The following MDM4 variants were observed in gnomAD, a reference collection of about 807,000 sequenced individuals.
The protein encoded by MDM4 is protein Mdm4.
In MDM4, 2 loss-of-function variants were observed where a neutral mutation model predicts 60.2. The observed-to-expected ratio is 0.03, with a 90% CI of 0.01 to 0.10. The LOEUF (loss-of-function observed/expected upper bound fraction) is 0.10. MDM4 is among the 10% of genes least tolerant of loss of function. The pLI, the probability that MDM4 is intolerant of heterozygous loss-of-function variation, is 1.00. For missense variants in MDM4, 447 were observed against 577.5 expected (o/e 0.77, Z 2.32); for synonymous variants, 202 against 198.1 (o/e 1.02, Z -0.17).
chr1:204,545,567 C>T (rs188582434), intron 9 of MDM4, among the ~76,000 whole-genome samples: 260 of 152,236 alleles, frequency 1.7e-3, no homozygotes, highest in Middle Eastern at 6.8e-3. Context: ...ATTTTGAGTT[C>T]CTGAAGGATA....
Position 204,526,377 on chromosome 1 carries a change from G to A in MDM4, c.96G>A (p.Pro32=), listed in dbSNP as rs778790692. The A allele has an allele frequency of 1.2e-4, 190 of 1,613,708 alleles. No individual in the cohort carries two copies. The Middle Eastern group carries it at 1.5e-3, about 13-fold the overall frequency. ...TATATCAGGTACGACCAAAACTGCCGCTTTTGAAGATTTTGCATGCAGCAG... is the reference window on the plus strand; with the variant it reads ...TATATCAGGTACGACCAAAACTGCCACTTTTGAAGATTTTGCATGCAGCAG... ...GQINQVRPKL[P]LLKILHAAGA... Residue 32 remains proline, a synonymous_variant, in exon 3 of 11, where the codon CCG becomes CCA. Coordinates refer to ENST00000367182, the MANE Select transcript of MDM4 (RefSeq NM_002393.5).
chr1:204,522,674 A>G (rs4951078), intron 1 of MDM4, among the ~76,000 whole-genome samples: 89,041 of 151,876 alleles, frequency 0.59, 28,354 homozygotes, highest in Non-Finnish European at 0.7. Flanking sequence ...CAAAGTGCTG[A>G]GATTATAGGC....
intron 7 of MDM4, among the ~76,000 whole-genome samples, chr1:204,540,482 G>T (rs1023670548): frequency 3.9e-5 from 6 of 152,050 alleles, no homozygotes; most frequent in African/African-American, 1.4e-4. Flanking sequence ...CACTTTCTAG[G>T]CTGGGCATGG....
At chr1:204,521,438 G>A (rs1469129232) in intron 1 of MDM4, among the ~76,000 whole-genome samples, 2 of 152,114 alleles carry the variant, frequency 1.3e-5, no homozygotes, top group Non-Finnish European at 2.9e-5. Context: ...AGACCGTTGA[G>A]TAAGTGCTTT....
intron 3 of MDM4, among the ~76,000 whole-genome samples, chr1:204,528,500 A>G (rs1470089636): frequency 6.6e-6 from 1 of 152,208 alleles, no homozygotes; most frequent in Non-Finnish European, 1.5e-5. Context: ...CGCCACTGGC[A>G]TCAGGGTGGA....
intron 1 of MDM4, among the ~76,000 whole-genome samples, chr1:204,521,101 TTTC>T (rs1485994816): frequency 6.6e-6 from 1 of 152,248 alleles, no homozygotes; most frequent in Non-Finnish European, 1.5e-5. Context: ...TCTGTTTCTC[TTTC>T]CTGATCTGTA....
At position 204,542,898 on chromosome 1, in the gene MDM4, A is replaced by G. The variant is rs772463918; in HGVS notation, c.626A>G (p.Asn209Ser). 15 of 1,613,970 alleles carry G rather than the reference A, an allele frequency of 9.3e-6. No homozygotes were observed. In the African/African-American group the frequency reaches 1.1e-4, roughly 11 times the overall value. ...TGGTTTTTAGGAAACTTGAGAAGCAACTATACACCTAGAAGTAATGGCTCA... is the reference window on the plus strand; with the variant it reads ...TGGTTTTTAGGAAACTTGAGAAGCAGCTATACACCTAGAAGTAATGGCTCA... ...PWWFLGNLRS[N>S]YTPRSNGSTD... is the part of the protein sequence containing the mutation. Residue 209 changes from asparagine (N) to serine (S), a missense_variant, in exon 8 of 11, where the codon AAC becomes AGC. Around this residue, in one of 8 missense-constraint regions of MDM4, gnomAD observed 184 missense variants for 179.3 expected, o/e 1.03. Transcript: ENST00000367182.
intron 3 of MDM4, among the ~76,000 whole-genome samples, chr1:204,530,093 A>G (rs1171768785): frequency 1.3e-5 from 2 of 152,106 alleles, no homozygotes; most frequent in African/African-American, 2.4e-5. Context: ...CCAGGCTGGT[A>G]TCAAACTCCT....
chr1:204,532,285 T>G (rs1263940081), intron 5 of MDM4, 39 bp downstream of exon 5: 2 of 1,361,276 alleles, frequency 1.5e-6, no homozygotes, highest in Non-Finnish European at 2.1e-6. Flanking sequence ...TATCACAGCT[T>G]TGAGTTCAAG....
intron 6 of MDM4, 79 bp from the exon 7 acceptor site, chr1:204,538,130 G>A (rs1208720937): frequency 1.2e-6 from 1 of 814,652 alleles, no homozygotes. Context: ...ACACTAACTG[G>A]TGAGCCAGAA....
Position 204,544,632 on chromosome 1 carries a change from C to G in MDM4, c.770C>G (p.Ala257Gly). The G allele has an allele frequency of 6.2e-7, 1 of 1,613,718 alleles. No homozygotes were observed. The highest frequency in any genetic ancestry group is 8.5e-7 in the Non-Finnish European group (1 of 1,179,780). Residue 257 changes from alanine to glycine, a missense_variant, in exon 9 of 11, where the codon GCT becomes GGT. This residue lies in a region of MDM4 where 184 missense variants were observed against 179.3 expected (regional missense o/e 1.03). Coordinates refer to ENST00000367182, the MANE Select transcript of MDM4 (RefSeq NM_002393.5). ...EQLGVGIKVE[A>G]ADTEQTSEEV... ...TTAGGTGTTGGAATAAAAGTTGAAG[C>G]TGCTGATACTGAACAAACAAGTGAA...
At chr1:204,530,914 A>G in intron 4 of MDM4, 97 bp downstream of exon 4, 2 of 1,494,950 alleles carry the variant, frequency 1.3e-6, no homozygotes, top group East Asian at 2.3e-5. Flanking sequence ...CTCAACAAAT[A>G]TGTAAGAGCC....
At position 204,540,118 on chromosome 1, in the gene MDM4, T is replaced by TA. The variant is rs768294320; in HGVS notation, c.511+1818dup. Among the ~76,000 whole-genome samples, 1,104 of 150,398 alleles carry TA rather than the reference T, an allele frequency of 7.3e-3. 6 individuals carry two copies. The highest frequency in any genetic ancestry group is 0.017 in the Middle Eastern group (5 of 286). ...AACACGGTGAAATCCTGTCTCTACT[T>TA]AAAAAAAATACAAAAAATTAGCTGG... On this transcript the variant is annotated intron_variant, in intron 7 of 10. Transcript: ENST00000367182.
intron 5 of MDM4, chr1:204,532,955 A>ACAT: frequency 1.1e-6 from 1 of 946,106 alleles, no homozygotes; most frequent in Non-Finnish European, 1.6e-6. Context: ...CTGTTTAATC[A>ACAT]CATCAGAGTC....
rs1663376939 is a variant in MDM4, at chr1:204,553,694, A to G, written c.*4012A>G. On this transcript the variant is annotated 3_prime_UTR_variant, in exon 11 of 11. Coordinates refer to ENST00000367182, the MANE Select transcript of MDM4 (RefSeq NM_002393.5). ...GCAGAGATGACAAATCATTAGAACA[A>G]CGATGAATTTCAGTATTACGGCTAA... is the stretch of plus-strand genomic sequence containing the variant. The G allele has an allele frequency of 4.4e-6, 1 of 227,512 alleles. No individual in the cohort carries two copies. Among genetic ancestry groups the G allele is most frequent in the Non-Finnish European group, 8.7e-6 (1 of 114,510 alleles). 14.1% of individuals were successfully genotyped at this position (227,512 alleles called of 1,614,324 possible).
chr1:204,527,752 G>A (rs184637190), intron 3 of MDM4, among the ~76,000 whole-genome samples: 75 of 151,604 alleles, frequency 4.9e-4, no homozygotes, highest in Non-Finnish European at 9.6e-4. Flanking sequence ...AAAACAATTT[G>A]TATTCTTTAA....
intron 1 of MDM4, among the ~76,000 whole-genome samples, chr1:204,516,997 C>T (rs958941384): frequency 1.3e-5 from 2 of 152,060 alleles, no homozygotes; most frequent in African/African-American, 2.4e-5. Context: ...CCCAGCACTT[C>T]AGGAGGCCGA....
At position 204,534,919 on chromosome 1, in the gene MDM4, G is replaced by A. The variant is rs550676411; in HGVS notation, c.344-2511G>A. Among the ~76,000 whole-genome samples the A allele has an allele frequency of 2.0e-5, 3 of 152,114 alleles. No homozygotes were observed. The East Asian group carries it at 5.8e-4, about 29-fold the overall frequency. ...AATGGTAACATCTTACATAATAATA[G>A]TATGATGATCAAAACCAGAAAATTG... is the stretch of plus-strand genomic sequence containing the variant. On this transcript the variant is annotated intron_variant, in intron 5 of 10. Transcript: ENST00000367182.
intron 3 of MDM4, chr1:204,529,009 A>G (rs1660557866): frequency 1.3e-6 from 2 of 1,523,394 alleles, no homozygotes; most frequent in South Asian, 1.1e-5. Context: ...GAGCGTGGGC[A>G]GTAGCTGGAG....
Sources: allele counts gnomAD v4.1 joint callset (sites outside exome capture counted in the v4.1 genomes callset), GRCh38; gene constraint gnomAD v4.1.1; regional missense constraint gnomAD v4.1.1; transcripts MANE v1.5; gene names NCBI Gene and HGNC (gene_info 2026-07-23, HGNC 2026-07-21).